DZIP1: variants seen among roughly 807,000 people sequenced by gnomAD.
The protein encoded by DZIP1 is cilium assembly protein DZIP1.
DZIP1 carries 97 observed loss-of-function variants against 107.6 expected under a neutral mutation model. The observed-to-expected ratio is 0.90, with a 90% confidence interval of 0.77 to 1.07. The LOEUF (loss-of-function observed/expected upper bound fraction) is 1.07. Ranked by LOEUF, DZIP1 falls within the 50% of genes least tolerant of loss-of-function variation. The pLI is 0.00. For synonymous variants in DZIP1, 390 were observed against 386.4 expected (o/e 1.01, Z -0.11); for missense variants, 1,035 against 1,063.6 (o/e 0.97, Z 0.37).
chr13:95,586,743 A>G (rs1306631361), intron 20 of DZIP1, among the ~76,000 whole-genome samples: 2 of 151,820 alleles, frequency 1.3e-5, no homozygotes, highest in South Asian at 2.1e-4. Context: ...TATATTAAAT[A>G]TAATAAATTA....
At chr13:95,610,325 T>TTA (rs397760882) in intron 12 of DZIP1, among the ~76,000 whole-genome samples, 1 of 151,398 alleles carries the variant, frequency 6.6e-6, no homozygotes, top group Non-Finnish European at 1.5e-5. Context: ...TTTTTTTTTT[T>TTA]AAGAGATGTG....
intron 7 of DZIP1, among the ~76,000 whole-genome samples, chr13:95,625,162 G>A (rs188549870): frequency 2.6e-5 from 4 of 152,234 alleles, no homozygotes; most frequent in South Asian, 2.1e-4. Context: ...CAACACAGAC[G>A]CCCAAAGCCT....
Position 95,587,689 on chromosome 13 carries a change from C to T in DZIP1, c.2068G>A (p.Asp690Asn), listed in dbSNP as rs771258025. The T allele has an allele frequency of 1.9e-6, 3 of 1,614,060 alleles. No individual in the cohort carries two copies. Among genetic ancestry groups the T allele is most frequent in the African/African-American group, 1.3e-5 (1 of 74,996 alleles). Residue 690 changes from aspartate (D) to asparagine (N), a missense_variant, in exon 20 of 23, where the codon GAC becomes AAC. By Grantham distance (23) the Asp-to-Asn change is conservative. Transcript: ENST00000376829. ...FSSEEEQEDDDLIRAYASPGP... is the reference protein window; with the variant it reads ...FSSEEEQEDDNLIRAYASPGP... ...GGGGATGCGTATGCCCGGATGAGGT[C>T]GTCGTCCTCCTGCTCCTCCTCTGAA...
At chr13:95,624,118 T>A (rs1391037466) in intron 8 of DZIP1, among the ~76,000 whole-genome samples, 2 of 152,316 alleles carry the variant, frequency 1.3e-5, no homozygotes, top group African/African-American at 4.8e-5. Flanking sequence ...TAAAACTTGT[T>A]GGCCCCTAGA....
intron 5 of DZIP1, among the ~76,000 whole-genome samples, chr13:95,633,678 CAA>C (rs567298033): frequency 0.14 from 10,135 of 70,550 alleles, 299 homozygotes; most frequent in East Asian, 0.22. Flanking sequence ...GACTCCATCT[CAA>C]AAAAAAAAAA....
intron 13 of DZIP1, among the ~76,000 whole-genome samples, chr13:95,606,376 CCATCA>C (rs2044778225): frequency 1.0e-4 from 8 of 77,978 alleles, no homozygotes; most frequent in African/African-American, 1.9e-4. Flanking sequence ...TGCCCCATAC[CCATCA>C]CACCTCATTT....
At chr13:95,634,178 C>G (rs548641289) in intron 5 of DZIP1, among the ~76,000 whole-genome samples, 2 of 152,158 alleles carry the variant, frequency 1.3e-5, no homozygotes, top group Non-Finnish European at 2.9e-5. Flanking sequence ...CATTGTTGCC[C>G]CTGCCTGATC....
chr13:95,639,555 C>A (rs1878231462), intron 5 of DZIP1, among the ~76,000 whole-genome samples: 1 of 140,188 alleles, frequency 7.1e-6, no homozygotes, highest in Admixed American at 7.8e-5. Flanking sequence ...CGCACCCCTG[C>A]ACGCCAGCCT....
rs184431119 is a variant in DZIP1, at chr13:95,602,952, T to C, written c.1477+3051A>G. ...ATTGGACAATAAACTATTGCTTGTGTTAATTTTCAGTATTTCAAGATGTAG... is the reference window on the plus strand; with the variant it reads ...ATTGGACAATAAACTATTGCTTGTGCTAATTTTCAGTATTTCAAGATGTAG... On this transcript the variant is annotated intron_variant, in intron 14 of 22. Transcript: ENST00000376829. 6.6e-5 allele frequency among the ~76,000 whole-genome samples: 10 copies of C among 152,320 alleles called. No individual in the cohort carries two copies. In the East Asian group the frequency reaches 1.9e-3, roughly 29 times the overall value.
intron 5 of DZIP1, among the ~76,000 whole-genome samples, chr13:95,634,888 G>C (rs1218127274): frequency 3.3e-5 from 5 of 152,010 alleles, no homozygotes; most frequent in Admixed American, 1.3e-4. Flanking sequence ...CATTCGGTTT[G>C]TTTTGGAATA....
chr13:95,615,795 C>G (rs980515067), intron 10 of DZIP1, among the ~76,000 whole-genome samples: 4 of 152,140 alleles, frequency 2.6e-5, no homozygotes, highest in African/African-American at 9.7e-5. Context: ...TACCAGTGAC[C>G]GTGGGCAACA....
intron 15 of DZIP1, among the ~76,000 whole-genome samples, chr13:95,597,879 T>C (rs2090426334): frequency 6.6e-6 from 1 of 152,212 alleles, no homozygotes; most frequent in East Asian, 1.9e-4. Flanking sequence ...TAGTTGCTAA[T>C]AGTGCAGCTT....
chr13:95,624,666 G>C, intron 8 of DZIP1, 102 bp downstream of exon 8: 1 of 1,020,182 alleles, frequency 9.8e-7, no homozygotes. Flanking sequence ...GTCTGCACGA[G>C]GGTAACATAA....
intron 10 of DZIP1, among the ~76,000 whole-genome samples, chr13:95,618,401 T>C (rs1283957181): frequency 2.0e-5 from 3 of 152,182 alleles, no homozygotes; most frequent in African/African-American, 7.2e-5. Context: ...ATTGGGTGTA[T>C]GTCTGTGTAT....
intron 22 of DZIP1, 112 bp downstream of exon 22, chr13:95,584,622 GAC>G: frequency 6.8e-7 from 1 of 1,469,408 alleles, no homozygotes; most frequent in Non-Finnish European, 9.0e-7. Context: ...AGAAAGCACT[GAC>G]AGCTTTTTTG....
At chr13:95,614,063 C>G (rs1182128599) in intron 10 of DZIP1, among the ~76,000 whole-genome samples, 2 of 146,998 alleles carry the variant, frequency 1.4e-5, no homozygotes, top group Non-Finnish European at 1.5e-5. Context: ...GAGGTTGGAG[C>G]TGCAGTGAGC....
At chr13:95,600,836 T>C (rs2138972472) in intron 14 of DZIP1, among the ~76,000 whole-genome samples, 1 of 152,322 alleles carries the variant, frequency 6.6e-6, no homozygotes, top group East Asian at 1.9e-4. Context: ...AGCATTTAAG[T>C]CCAGCAGGTA....
chr13:95,640,004 T>A (rs944514252), intron 5 of DZIP1, among the ~76,000 whole-genome samples: 11 of 151,570 alleles, frequency 7.3e-5, no homozygotes, highest in African/African-American at 1.9e-4. Context: ...ATTTATTTTT[T>A]TTTTTTTGAG....
intron 9 of DZIP1, among the ~76,000 whole-genome samples, chr13:95,620,544 A>C (rs147808212): frequency 1.7e-4 from 26 of 152,338 alleles, no homozygotes; most frequent in Admixed American, 3.3e-4. Context: ...AGGAGCTAAC[A>C]GTAAATATCA....
Sources: gnomAD v4.1 joint callset for allele counts (sites outside exome capture counted in the v4.1 genomes callset) on GRCh38, gnomAD v4.1.1 for gene constraint, MANE v1.5 for transcripts, NCBI Gene and HGNC (gene_info 2026-07-23, HGNC 2026-07-21) for gene names.